Variants in HDAC9 observed in about 807,000 individuals in gnomAD.
The protein encoded by HDAC9 is MEF-2 interacting transcription repressor (MITR) protein.
Under a neutral mutation model 139.4 loss-of-function variants are expected in HDAC9, and 41 were observed. That is an observed-to-expected ratio of 0.29 (90% CI 0.23 to 0.38). The LOEUF (loss-of-function observed/expected upper bound fraction) is 0.38. HDAC9 is among the 10% of genes least tolerant of loss of function. The pLI is 1.00. For synonymous variants in HDAC9, 517 were observed against 476.2 expected (o/e 1.09, Z -1.12); for missense variants, 1,147 against 1,297.0 (o/e 0.88, Z 1.78).
intron 2 of HDAC9, among the ~76,000 whole-genome samples, chr7:18,211,183 C>T (rs539130683): frequency 7.9e-5 from 12 of 152,142 alleles, no homozygotes; most frequent in Admixed American, 2.0e-4. Flanking sequence ...GCATTTCACC[C>T]GTTGTTTTAC....
intron 22 of HDAC9, among the ~76,000 whole-genome samples, chr7:18,910,090 C>G (rs1018463994): frequency 6.6e-6 from 1 of 151,876 alleles, no homozygotes; most frequent in African/African-American, 2.4e-5. Context: ...ATCAATCTCT[C>G]TCTTTACATC....
At chr7:18,513,034 C>A (rs529308981) in intron 2 of HDAC9, among the ~76,000 whole-genome samples, 1 of 152,284 alleles carries the variant, frequency 6.6e-6, no homozygotes, top group East Asian at 1.9e-4. Context: ...AGAGGACAAA[C>A]TGTTAATTAA....
chr7:18,493,502 T>A (rs747018747), upstream of HDAC9, among the ~76,000 whole-genome samples: 1 of 151,936 alleles, frequency 6.6e-6, no homozygotes, highest in Non-Finnish European at 1.5e-5. Flanking sequence ...AAAGCCTGAC[T>A]CCAATAGTGA....
chr7:18,656,884 C>A (rs150468317), intron 11 of HDAC9, among the ~76,000 whole-genome samples: 2,566 of 152,214 alleles, frequency 0.017, 35 homozygotes, highest in Middle Eastern at 0.044. Flanking sequence ...AGTGGCTGTA[C>A]TAATTTACAT....
chr7:18,458,151 CAA>C (rs34536617), intron 1 of HDAC9, among the ~76,000 whole-genome samples: 73 of 152,282 alleles, frequency 4.8e-4, no homozygotes, highest in African/African-American at 1.7e-3. Flanking sequence ...GTTGCATTAT[CAA>C]AAGAGACGCT....
chr7:18,656,571 T>G (rs1429908371), intron 11 of HDAC9, among the ~76,000 whole-genome samples: 1 of 152,186 alleles, frequency 6.6e-6, no homozygotes, highest in East Asian at 1.9e-4. Context: ...GTCAAGATAT[T>G]CAACCTTTTT....
chr7:18,209,369 T>A (rs1791774180), intron 2 of HDAC9, among the ~76,000 whole-genome samples: 1 of 152,180 alleles, frequency 6.6e-6, no homozygotes, highest in Admixed American at 6.5e-5. Context: ...TGCTAGTAAG[T>A]GCTAAATTTT....
intron 12 of HDAC9, chr7:18,668,699 CT>C (rs1314149721): frequency 2.1e-6 from 2 of 973,116 alleles, no homozygotes; most frequent in African/African-American, 1.8e-5. Context: ...ATAAATGTCT[CT>C]TTTAAAATCT....
At chr7:18,855,959 G>A (rs1344499452) in intron 21 of HDAC9, among the ~76,000 whole-genome samples, 2 of 152,020 alleles carry the variant, frequency 1.3e-5, no homozygotes, top group South Asian at 2.1e-4. Flanking sequence ...TTACTCTAAT[G>A]ACCTTGACTC....
At chr7:18,336,376 T>C (rs1781584185) in intron 1 of HDAC9, among the ~76,000 whole-genome samples, 1 of 151,618 alleles carries the variant, frequency 6.6e-6, no homozygotes, top group Non-Finnish European at 1.5e-5. Flanking sequence ...CTGACCCAAA[T>C]GCAGTCCACA....
chr7:18,838,747 G>T (rs1181378997), intron 21 of HDAC9, among the ~76,000 whole-genome samples: 1 of 151,944 alleles, frequency 6.6e-6, no homozygotes, highest in Non-Finnish European at 1.5e-5. Context: ...GTGGGGGAAA[G>T]AGTAAATGGT....
At chr7:18,297,481 C>A (rs1198240651) in intron 1 of HDAC9, among the ~76,000 whole-genome samples, 3 of 152,134 alleles carry the variant, frequency 2.0e-5, no homozygotes, top group African/African-American at 7.2e-5. Context: ...GCTCTCCTTG[C>A]CAATCCATCC....
upstream of HDAC9, among the ~76,000 whole-genome samples, chr7:18,288,611 A>G (rs1320466324): frequency 1.3e-5 from 2 of 152,288 alleles, no homozygotes; most frequent in South Asian, 2.1e-4. Flanking sequence ...TAAAAAGAAT[A>G]TTATGTATAG....
intron 16 of HDAC9, among the ~76,000 whole-genome samples, chr7:18,768,117 C>A (rs1789983385): frequency 6.6e-6 from 1 of 152,120 alleles, no homozygotes. Flanking sequence ...TATCCATTTG[C>A]CTCCGTGAGG....
intron 21 of HDAC9, among the ~76,000 whole-genome samples, chr7:18,849,234 C>T (rs1797109534): frequency 1.3e-5 from 2 of 152,022 alleles, no homozygotes; most frequent in Non-Finnish European, 2.9e-5. Flanking sequence ...CTGAGCATAC[C>T]ACAATCCATA....
intron 12 of HDAC9, among the ~76,000 whole-genome samples, chr7:18,725,316 A>G (rs146030252): frequency 2.6e-5 from 4 of 152,306 alleles, no homozygotes; most frequent in African/African-American, 9.6e-5. Flanking sequence ...GGCCCCTGAA[A>G]GTCATACTGC....
intron 1 of HDAC9, among the ~76,000 whole-genome samples, chr7:18,110,444 T>C (rs1783539671): frequency 6.6e-6 from 1 of 151,882 alleles, no homozygotes; most frequent in Non-Finnish European, 1.5e-5. Flanking sequence ...ACATGAACAA[T>C]AGAGATATTC....
intron 17 of HDAC9, among the ~76,000 whole-genome samples, chr7:18,822,484 AGTT>A (rs1465945699): frequency 1.3e-5 from 2 of 152,198 alleles, no homozygotes; most frequent in Admixed American, 1.3e-4. Context: ...ACTCCCGACT[AGTT>A]GGGATTACAG....
rs186695264 is a variant in HDAC9, at chr7:18,207,250, T to C, written c.25+44901T>C. ...CACTGCAACTGGCCCTGATTTGAAA[T>C]ATCTTATAAGAACATGTTCAACTTA... On this transcript the variant is annotated intron_variant, in intron 2 of 12. Coordinates refer to the HDAC9 transcript ENST00000417496. 1.1e-4 allele frequency among the ~76,000 whole-genome samples: 17 copies of C among 152,142 alleles called. No homozygotes were observed. In the East Asian group the frequency reaches 3.3e-3, roughly 29 times the overall value.
Sources: allele counts gnomAD v4.1 joint callset (sites outside exome capture counted in the v4.1 genomes callset), GRCh38; gene constraint gnomAD v4.1.1; transcripts MANE v1.5; gene names NCBI Gene and HGNC (gene_info 2026-07-23, HGNC 2026-07-21).